RIMKLB: variants seen among roughly 807,000 people sequenced by gnomAD.
RIMKLB encodes the protein ribosomal modification protein rimK like family member B, also known as beta-citrylglutamate synthase B.
A neutral mutation model predicts 32.0 loss-of-function variants in RIMKLB; 7 were observed. The ratio of observed to expected loss-of-function variants is 0.22; its 90% confidence interval spans 0.12 to 0.41. The LOEUF (loss-of-function observed/expected upper bound fraction) is 0.41, where lower values mean the gene tolerates loss of function less well. RIMKLB is among the 10% of genes least tolerant of loss of function. The pLI is 1.00. For missense variants in RIMKLB, 289 were observed against 498.7 expected (o/e 0.58, Z 4.00); for synonymous variants, 172 against 185.1 (o/e 0.93, Z 0.57).
At chr12:8,725,871 A>G (rs1197239134) in intron 2 of RIMKLB, among the ~76,000 whole-genome samples, 1 of 151,712 alleles carries the variant, frequency 6.6e-6, no homozygotes, top group East Asian at 1.9e-4. Flanking sequence ...TTTTTGAGAC[A>G]AGGTCTCACT....
intron 5 of RIMKLB, among the ~76,000 whole-genome samples, chr12:8,758,137 T>A (rs1949216835): frequency 6.6e-6 from 1 of 152,170 alleles, no homozygotes; most frequent in Non-Finnish European, 1.5e-5. Context: ...CTGTTGAGAT[T>A]ATGCATCTGT....
At chr12:8,727,842 A>G (rs1946174385) in intron 2 of RIMKLB, among the ~76,000 whole-genome samples, 1 of 151,644 alleles carries the variant, frequency 6.6e-6, no homozygotes, top group African/African-American at 2.4e-5. Context: ...TGGAGGTTGC[A>G]GTGAGCCAAG....
intron 1 of RIMKLB, among the ~76,000 whole-genome samples, chr12:8,701,264 G>T (rs1350186144): frequency 6.6e-6 from 1 of 152,034 alleles, no homozygotes; most frequent in African/African-American, 2.4e-5. Context: ...TCATATGAGG[G>T]ATTGTTAAAT....
At chr12:8,761,858 C>T (rs918345791) in intron 5 of RIMKLB, among the ~76,000 whole-genome samples, 4 of 152,034 alleles carry the variant, frequency 2.6e-5, no homozygotes, top group African/African-American at 7.2e-5. Context: ...GAGATTTCCT[C>T]GGGAGGGGTG....
At chr12:8,698,889 C>A (rs989109380) in intron 1 of RIMKLB, among the ~76,000 whole-genome samples, 1 of 152,034 alleles carries the variant, frequency 6.6e-6, no homozygotes, top group Non-Finnish European at 1.5e-5. Flanking sequence ...CAAATAATTG[C>A]TTGTCCAGTT....
downstream of RIMKLB, among the ~76,000 whole-genome samples, chr12:8,780,893 GAAT>G (rs749244268): frequency 5.9e-5 from 9 of 152,078 alleles, no homozygotes; most frequent in Non-Finnish European, 1.2e-4. Flanking sequence ...TCTTTACTTT[GAAT>G]AATAACTAAT....
At chr12:8,690,440 A>G (rs537946309) in intron 1 of RIMKLB, among the ~76,000 whole-genome samples, 34 of 152,224 alleles carry the variant, frequency 2.2e-4, no homozygotes, top group Non-Finnish European at 4.4e-4. Flanking sequence ...AACTTTACTA[A>G]GAAGTGGGGG....
At chr12:8,684,522 C>T (rs895677831) in intron 1 of RIMKLB, among the ~76,000 whole-genome samples, 1 of 152,118 alleles carries the variant, frequency 6.6e-6, no homozygotes, top group Non-Finnish European at 1.5e-5. Flanking sequence ...TTGCATTTTG[C>T]ATATAGGTCT....
At chr12:8,683,817 G>A (rs112676588) in intron 1 of RIMKLB, among the ~76,000 whole-genome samples, 14 of 151,594 alleles carry the variant, frequency 9.2e-5, no homozygotes, top group Middle Eastern at 3.4e-3. Flanking sequence ...GCACGATCTC[G>A]GCTCACTGCT....
At chr12:8,733,655 G>A (rs777247091) in intron 2 of RIMKLB, among the ~76,000 whole-genome samples, 11 of 152,130 alleles carry the variant, frequency 7.2e-5, no homozygotes, top group Middle Eastern at 3.2e-3. Flanking sequence ...GGAAGATCAT[G>A]TGAGGCCAGG....
intron 5 of RIMKLB, among the ~76,000 whole-genome samples, chr12:8,771,723 T>A (rs1315554182): frequency 1.3e-5 from 2 of 152,144 alleles, no homozygotes; most frequent in Non-Finnish European, 2.9e-5. Flanking sequence ...ATTTGTGTCT[T>A]ATCAGTTCAA....
Position 8,775,989 on chromosome 12 carries a change from GAAAT to G in RIMKLB, c.*2210_*2213del, listed in dbSNP as rs1950703664. The G allele has an allele frequency of 1.0e-6, 1 of 984,090 alleles. No homozygotes were observed. Among genetic ancestry groups the G allele is most frequent in the Non-Finnish European group, 1.2e-6 (1 of 828,776 alleles). The allele number at this position is 984,090 out of a possible 1,614,324, so 61.0% of individuals were successfully genotyped here. A position where few individuals can be genotyped will look rare whatever the true frequency, so the allele number is the denominator to read the frequency against. ...GAGGATGCATACTATTTGGTATAGA[GAAAT>G]AAATGAGGAAGAAAGAACTGCTTAA... On this transcript the variant is annotated 3_prime_UTR_variant, in exon 6 of 6. Coordinates refer to ENST00000535829, the MANE Select transcript of RIMKLB (RefSeq NM_001297776.2).
chr12:8,777,213 T>TGC (rs1950776284), downstream of RIMKLB: 12 of 931,922 alleles, frequency 1.3e-5, no homozygotes, highest in South Asian at 5.1e-5. Context: ...CTTGCTTGCT[T>TGC]TCTTTTTTTT....
upstream of RIMKLB, among the ~76,000 whole-genome samples, chr12:8,680,926 A>G (rs750812075): frequency 6.2e-4 from 95 of 152,220 alleles, 1 homozygote; most frequent in Middle Eastern, 6.8e-3. Context: ...ACTTACAATG[A>G]AGCATTGTGT....
At chr12:8,781,580 A>G (rs1020448995), downstream of RIMKLB, among the ~76,000 whole-genome samples, 3 of 151,730 alleles carry the variant, frequency 2.0e-5, no homozygotes, top group Non-Finnish European at 2.9e-5. Context: ...CTGTTCCTCT[A>G]TCTCTCCCTG....
At chr12:8,710,549 G>C (rs1345361950) in intron 1 of RIMKLB, among the ~76,000 whole-genome samples, 1 of 151,992 alleles carries the variant, frequency 6.6e-6, no homozygotes, top group African/African-American at 2.4e-5. Context: ...CAAGTGATCC[G>C]CCCACCTTGG....
chr12:8,775,549 C>T lies in RIMKLB; in HGVS notation c.*1765C>T, dbSNP rs1950679869. ...CAGTGCTATTTTCCTTCAGATGGAC[C>T]TTAAACATAATTTCTTGGACACTAC... On this transcript the variant is annotated 3_prime_UTR_variant, in exon 6 of 6. Coordinates refer to ENST00000535829, the MANE Select transcript of RIMKLB (RefSeq NM_001297776.2). 2.0e-6 allele frequency: 2 copies of T among 985,618 alleles called. No individual in the cohort carries two copies. The highest frequency in any genetic ancestry group is 2.4e-6 in the Non-Finnish European group (2 of 829,896). The allele number at this position is 985,618 out of a possible 1,614,324, so 61.1% of individuals were successfully genotyped here.
At chr12:8,728,404 C>G (rs1471085591) in intron 2 of RIMKLB, among the ~76,000 whole-genome samples, 2 of 152,076 alleles carry the variant, frequency 1.3e-5, no homozygotes, top group Non-Finnish European at 2.9e-5. Flanking sequence ...ATGATTAGGT[C>G]TCTGCCTTTT....
chr12:8,696,028 G>C (rs1471093231), upstream of RIMKLB, among the ~76,000 whole-genome samples: 1 of 152,198 alleles, frequency 6.6e-6, no homozygotes, highest in East Asian at 1.9e-4. Context: ...TGGCAAGTGA[G>C]TTAATAGTCA....
Sources: allele counts gnomAD v4.1 joint callset (sites outside exome capture counted in the v4.1 genomes callset), GRCh38; gene constraint gnomAD v4.1.1; transcripts MANE v1.5; gene names NCBI Gene and HGNC (gene_info 2026-07-23, HGNC 2026-07-21).